PEPD: variants seen among roughly 807,000 people sequenced by gnomAD.
The protein encoded by PEPD is peptidase D.
In PEPD, 53 loss-of-function variants were observed where a neutral mutation model predicts 60.7. That is an observed-to-expected ratio of 0.87 (90% CI 0.70 to 1.10). The LOEUF (loss-of-function observed/expected upper bound fraction) is 1.10. Ranked by LOEUF, PEPD falls within the 50% of genes least tolerant of loss-of-function variation. PEPD has a pLI of 0.00. For missense variants in PEPD, 711 were observed against 711.9 expected (o/e 1.00, Z 0.01); for synonymous variants, 267 against 284.1 (o/e 0.94, Z 0.60).
chr19:33,489,532 G>C (rs1568497807), intron 6 of PEPD, among the ~76,000 whole-genome samples: 3 of 152,052 alleles, frequency 2.0e-5, no homozygotes, highest in Admixed American at 2.0e-4. Flanking sequence ...AGGAGGCTGA[G>C]GCAGGAGAAT....
At chr19:33,505,523 C>T (rs1159013371) in intron 3 of PEPD, among the ~76,000 whole-genome samples, 1 of 151,994 alleles carries the variant, frequency 6.6e-6, no homozygotes, top group East Asian at 1.9e-4. Flanking sequence ...AGCCCCTTCT[C>T]AGAGGCCTGC....
At position 33,490,010 on chromosome 19, in the gene PEPD, A is replaced by G; in HGVS notation, c.489T>C (p.Phe163=). 1 of 1,608,892 alleles carries G rather than the reference A, an allele frequency of 6.2e-7. No individual in the cohort carries two copies. Among genetic ancestry groups the G allele is most frequent in the African/African-American group, 1.3e-5 (1 of 74,952 alleles). The change falls in exon 6 of 15, where the codon TTT becomes TTC. Residue 163 remains phenylalanine (F), a synonymous_variant. Transcript: ENST00000244137. ...DSGSVCREAS[F]DGISKFEVNN... is the part of the protein sequence containing the mutation. The stretch of plus-strand genomic sequence containing the variant: ...CCAGGACTCACTTGCTGATGCCGTC[A>G]AAGGAGGCCTCCCTGCAGACACTGC...
chr19:33,464,839 G>A (rs775124377), intron 7 of PEPD, among the ~76,000 whole-genome samples: 5 of 152,090 alleles, frequency 3.3e-5, no homozygotes, highest in African/African-American at 9.7e-5. Flanking sequence ...TCTCACCCGC[G>A]AGTAAGACCC....
Position 33,391,433 on chromosome 19 carries a change from C to G in PEPD, c.1014G>C (p.Leu338=). Residue 338 remains leucine (L), a synonymous_variant, in exon 13 of 15, where the codon CTG becomes CTC. Transcript: ENST00000244137. ...DMHRLADRIH[L]EELAHMGILS... The stretch of plus-strand genomic sequence containing the variant: ...GGATGCCCATGTGGGCCAGCTCCTC[C>G]AGGTGGATGCGGTCAGCCAGGCGGT... 1.3e-6 allele frequency: 2 copies of G among 1,563,602 alleles called. No homozygotes were observed. Among genetic ancestry groups the G allele is most frequent in the Non-Finnish European group, 1.7e-6 (2 of 1,154,020 alleles).
intron 13 of PEPD, among the ~76,000 whole-genome samples, chr19:33,390,935 C>T (rs749660033): frequency 3.3e-5 from 5 of 152,156 alleles, no homozygotes; most frequent in South Asian, 2.1e-4. Context: ...GGCGGCAGGA[C>T]GTGAGGGGTG....
intron 1 of PEPD, among the ~76,000 whole-genome samples, chr19:33,517,594 G>C (rs1414812639): frequency 1.3e-5 from 2 of 151,788 alleles, no homozygotes; most frequent in Non-Finnish European, 2.9e-5. Context: ...AAAAAAACCT[G>C]ATGCCGAGAA....
rs773934450 is a variant in PEPD, at chr19:33,401,809, G to A, written c.879C>T (p.Pro293=). ...CFASDITCSF[P]ANGKFTADQK... Reference sequence around the variant, plus strand: ...GGTCTGCAGTGAACTTGCCGTTGGCGGGAAAGGAGCAGGTGATGTCGGAAG... The same window carrying A: ...GGTCTGCAGTGAACTTGCCGTTGGCAGGAAAGGAGCAGGTGATGTCGGAAG... The change falls in exon 12 of 15, where the codon CCC becomes CCT. Residue 293 remains proline (P), a synonymous_variant. Coordinates refer to ENST00000244137, the MANE Select transcript of PEPD (RefSeq NM_000285.4). 6.3e-5 allele frequency: 102 copies of A among 1,613,052 alleles called. No individual in the cohort carries two copies. Among genetic ancestry groups the A allele is most frequent in the African/African-American group, 1.2e-4 (9 of 75,042 alleles).
chr19:33,504,269 A>C (rs923296747), intron 3 of PEPD, among the ~76,000 whole-genome samples: 7 of 152,212 alleles, frequency 4.6e-5, no homozygotes, highest in African/African-American at 1.7e-4. Context: ...GTTGATGAGA[A>C]AAGAAGAGGT....
At chr19:33,415,285 C>T (rs4805036) in intron 9 of PEPD, among the ~76,000 whole-genome samples, 5,859 of 151,286 alleles carry the variant, frequency 0.039, 314 homozygotes, top group Admixed American at 0.16. Context: ...CAGACAACCA[C>T]GGGCTGCGCT....
At chr19:33,508,293 C>T (rs34944423) in intron 3 of PEPD, among the ~76,000 whole-genome samples, 18,659 of 152,240 alleles carry the variant, frequency 0.12, 1,552 homozygotes, top group Non-Finnish European at 0.19. Flanking sequence ...CAGGGGCCCT[C>T]GCTCGTCCTG....
At chr19:33,458,875 G>A (rs1969875782) in intron 9 of PEPD, among the ~76,000 whole-genome samples, 1 of 151,456 alleles carries the variant, frequency 6.6e-6, no homozygotes. Flanking sequence ...TGTGTGTCAT[G>A]TGTGTGGCAT....
At chr19:33,429,360 A>T (rs1253511167) in intron 9 of PEPD, among the ~76,000 whole-genome samples, 1 of 152,224 alleles carries the variant, frequency 6.6e-6, no homozygotes, top group Non-Finnish European at 1.5e-5. Flanking sequence ...GAATTTTACA[A>T]TGGGGGGCAA....
At chr19:33,478,391 T>C (rs1192278497) in intron 6 of PEPD, among the ~76,000 whole-genome samples, 1 of 152,064 alleles carries the variant, frequency 6.6e-6, no homozygotes, top group Non-Finnish European at 1.5e-5. Flanking sequence ...ATACACACAA[T>C]AGGAGTACCA....
At position 33,446,772 on chromosome 19, in the gene PEPD, T is replaced by C. The variant is rs1969602279; in HGVS notation, c.671+16223A>G. On this transcript the variant is annotated intron_variant, in intron 9 of 14. Transcript: ENST00000244137. ...ACCCCGCACCGAGGGTGGTGAGGCC[T>C]TTCTGCCACCTCTGCTGATAGGGTC... Among the ~76,000 whole-genome samples, 3 of 152,356 alleles carry C rather than the reference T, an allele frequency of 2.0e-5. No homozygotes were observed. The South Asian group carries it at 6.2e-4, about 32-fold the overall frequency.
chr19:33,442,276 G>A (rs747792173), intron 9 of PEPD, among the ~76,000 whole-genome samples: 6 of 151,936 alleles, frequency 3.9e-5, no homozygotes, highest in Non-Finnish European at 7.4e-5. Flanking sequence ...GGAGGGTGGG[G>A]GGCACCTGTA....
At chr19:33,405,453 T>C (rs1968599168) in intron 11 of PEPD, among the ~76,000 whole-genome samples, 1 of 152,274 alleles carries the variant, frequency 6.6e-6, no homozygotes, top group Non-Finnish European at 1.5e-5. Flanking sequence ...GCAGAAGCAC[T>C]GCAGACTCCG....
rs957044271 is a variant in PEPD at position 33,518,204 on chromosome 19, C to G, written c.17+3540G>C. Among the ~76,000 whole-genome samples the G allele has an allele frequency of 5.3e-5, 8 of 152,306 alleles. 1 individual carries two copies. In the East Asian group the frequency reaches 9.7e-4, roughly 18 times the overall value. On this transcript the variant is annotated intron_variant, in intron 1 of 14. Coordinates refer to ENST00000244137, the MANE Select transcript of PEPD (RefSeq NM_000285.4). ...CAACCTCCACCTTGCACCTCTGTCTCCTGGGGCGGATAGGGGTGCCAAGCA... is the reference window on the plus strand; with the variant it reads ...CAACCTCCACCTTGCACCTCTGTCTGCTGGGGCGGATAGGGGTGCCAAGCA...
At chr19:33,462,741 C>T (rs538085261) in intron 9 of PEPD, among the ~76,000 whole-genome samples, 91 of 152,204 alleles carry the variant, frequency 6.0e-4, no homozygotes, top group African/African-American at 2.1e-3. Flanking sequence ...AAACAAAGTC[C>T]GAGAGTAGAA....
chr19:33,394,355 G>A lies in PEPD; in HGVS notation c.968-2876C>T, dbSNP rs1032607353. Among the ~76,000 whole-genome samples the A allele has an allele frequency of 2.6e-5, 4 of 152,092 alleles. No individual in the cohort carries two copies. In the East Asian group the frequency reaches 7.7e-4, roughly 29 times the overall value. On this transcript the variant is annotated intron_variant, in intron 12 of 14. Transcript: ENST00000244137. ...TCAGGTATAAATCATGCTCTGCGGT[G>A]GCCCTTCCCGGGGGCAGGCCCGGCG...
Sources: allele counts gnomAD v4.1 joint callset (sites outside exome capture counted in the v4.1 genomes callset), GRCh38; gene constraint gnomAD v4.1.1; transcripts MANE v1.5; gene names NCBI Gene and HGNC (gene_info 2026-07-23, HGNC 2026-07-21).